IMMP2L: variants seen among roughly 807,000 people sequenced by gnomAD.
IMMP2L encodes the protein inner mitochondrial membrane peptidase subunit 2.
Under a neutral mutation model 19.3 loss-of-function variants are expected in IMMP2L, and 18 were observed. The ratio of observed to expected loss-of-function variants is 0.93; its 90% confidence interval spans 0.64 to 1.38. IMMP2L has a LOEUF of 1.38. Among genes scored for constraint, IMMP2L ranks in the 40% most tolerant of loss-of-function variants. IMMP2L has a pLI of 0.00. For missense variants in IMMP2L, 233 were observed against 218.2 expected (o/e 1.07, Z -0.43); for synonymous variants, 76 against 73.0 (o/e 1.04, Z -0.21).
At chr7:111,539,244 AAGAAAG>A (rs1391909243) in intron 1 of IMMP2L, among the ~76,000 whole-genome samples, 80 of 145,504 alleles carry the variant, frequency 5.5e-4, no homozygotes, top group Middle Eastern at 3.6e-3. Context: ...GAAAGAAAGA[AAGAAAG>A]AAAGAAAGAA....
intron 3 of IMMP2L, among the ~76,000 whole-genome samples, chr7:111,206,526 T>C (rs1586826582): frequency 6.6e-6 from 1 of 152,168 alleles, no homozygotes; most frequent in South Asian, 2.1e-4. Flanking sequence ...GGGTACATAG[T>C]AGCTGTACAC....
intron 2 of IMMP2L, among the ~76,000 whole-genome samples, chr7:111,504,310 T>A (rs559537532): frequency 6.6e-6 from 1 of 151,936 alleles, no homozygotes; most frequent in Non-Finnish European, 1.5e-5. Flanking sequence ...CACTGCTCAA[T>A]GAAATAAAAG....
intron 3 of IMMP2L, among the ~76,000 whole-genome samples, chr7:111,463,599 G>C (rs1042702558): frequency 6.6e-6 from 1 of 152,206 alleles, no homozygotes; most frequent in African/African-American, 2.4e-5. Context: ...CTATTTCCCT[G>C]TCCACTAGCC....
intron 5 of IMMP2L, among the ~76,000 whole-genome samples, chr7:110,672,656 C>T (rs1010732689): frequency 2.0e-5 from 3 of 152,142 alleles, no homozygotes; most frequent in African/African-American, 7.2e-5. Context: ...ACACCCATTC[C>T]AATGGGAGAA....
At chr7:110,694,490 T>C (rs1793731226) in intron 5 of IMMP2L, among the ~76,000 whole-genome samples, 1 of 152,168 alleles carries the variant, frequency 6.6e-6, no homozygotes. Flanking sequence ...AATATTTAGG[T>C]CCTTAATTGC....
chr7:111,107,366 AAC>A (rs1295000852), intron 3 of IMMP2L, among the ~76,000 whole-genome samples: 1 of 152,048 alleles, frequency 6.6e-6, no homozygotes, highest in Admixed American at 6.6e-5. Context: ...TTCTGTTGTA[AAC>A]AGTTTAGATT....
intron 3 of IMMP2L, among the ~76,000 whole-genome samples, chr7:111,256,803 T>C (rs1301017143): frequency 1.3e-5 from 2 of 152,004 alleles, no homozygotes; most frequent in African/African-American, 4.8e-5. Context: ...ATTCACACCC[T>C]CTGAGAAAAA....
At chr7:111,138,050 G>A (rs936587171) in intron 3 of IMMP2L, among the ~76,000 whole-genome samples, 1 of 151,936 alleles carries the variant, frequency 6.6e-6, no homozygotes, top group Non-Finnish European at 1.5e-5. Flanking sequence ...GGCTGGTCTC[G>A]AGCTCCTGAG....
intron 5 of IMMP2L, among the ~76,000 whole-genome samples, chr7:110,880,869 C>A (rs1182982758): frequency 1.3e-5 from 2 of 152,022 alleles, no homozygotes; most frequent in African/African-American, 4.8e-5. Flanking sequence ...AGTCTAATGA[C>A]AATTCTGCTG....
rs10657513 is a variant in IMMP2L, at chr7:111,080,509, A to AATATGTGTGTATAATATATAAT, written c.240-116945_240-116944insATTATATATTATACACACATAT. On this transcript the variant is annotated intron_variant, in intron 3 of 5. Coordinates refer to ENST00000405709, the MANE Select transcript of IMMP2L (RefSeq NM_032549.4). ...TATATATTATGTGTGTATAATATAT[A>AATATGTGTGTATAATATATAAT]ATGTGTGTATAATATATATTACATA... Among the ~76,000 whole-genome samples the AATATGTGTGTATAATATATAAT allele has an allele frequency of 2.6e-5, 4 of 150,948 alleles. No homozygotes were observed. The Admixed American group carries it at 2.7e-4, about 10-fold the overall frequency.
intron 5 of IMMP2L, among the ~76,000 whole-genome samples, chr7:110,819,783 CTAGT>C (rs1802862339): frequency 6.6e-6 from 1 of 152,048 alleles, no homozygotes; most frequent in African/African-American, 2.4e-5. Context: ...GTTGAAATTC[CTAGT>C]TAAATAATCA....
chr7:110,828,715 C>T (rs989917888), intron 5 of IMMP2L, among the ~76,000 whole-genome samples: 2 of 152,104 alleles, frequency 1.3e-5, no homozygotes, highest in Non-Finnish European at 2.9e-5. Flanking sequence ...GAGTAAAACA[C>T]TAACAAGACT....
intron 2 of IMMP2L, among the ~76,000 whole-genome samples, chr7:111,490,806 T>C (rs1843035009): frequency 6.6e-6 from 1 of 152,184 alleles, no homozygotes; most frequent in African/African-American, 2.4e-5. Context: ...ACTTACCATG[T>C]GTCCTGGTCT....
intron 5 of IMMP2L, among the ~76,000 whole-genome samples, chr7:110,830,850 T>G (rs996993617): frequency 2.0e-5 from 3 of 152,154 alleles, no homozygotes; most frequent in African/African-American, 7.2e-5. Context: ...CCTTACCAGT[T>G]TTCTATTGCT....
At chr7:110,907,103 G>C (rs1298235127) in intron 4 of IMMP2L, among the ~76,000 whole-genome samples, 1 of 152,128 alleles carries the variant, frequency 6.6e-6, no homozygotes, top group East Asian at 1.9e-4. Context: ...GCCCCAGAAG[G>C]AGTGTTACGT....
intron 3 of IMMP2L, among the ~76,000 whole-genome samples, chr7:111,463,321 C>T (rs934116543): frequency 6.6e-6 from 1 of 152,022 alleles, no homozygotes; most frequent in African/African-American, 2.4e-5. Context: ...GGGGGGGATC[C>T]AACTCAACCC....
intron 3 of IMMP2L, among the ~76,000 whole-genome samples, chr7:111,437,009 C>T (rs183914525): frequency 5.9e-5 from 9 of 151,864 alleles, no homozygotes; most frequent in Non-Finnish European, 8.8e-5. Context: ...ATTAGGGATC[C>T]GCCCCCATGA....
chr7:111,201,673 G>A lies in IMMP2L; in HGVS notation c.240-238108C>T, dbSNP rs146885134. ...AGGGGTTGCAGTGAGCTGAGATTGC[G>A]CCACTGCACTCCAGCCTTGGCAACA... is the stretch of plus-strand genomic sequence containing the variant. On this transcript the variant is annotated intron_variant, in intron 3 of 5. Transcript: ENST00000405709. 2.8e-3 allele frequency among the ~76,000 whole-genome samples: 421 copies of A among 150,232 alleles called. 2 individuals carry two copies. The highest frequency in any genetic ancestry group is 9.7e-3 in the African/African-American group (395 of 40,786).
At chr7:110,668,814 A>T (rs536635450) in intron 5 of IMMP2L, among the ~76,000 whole-genome samples, 62 of 144,104 alleles carry the variant, frequency 4.3e-4, no homozygotes, top group African/African-American at 1.3e-3. Flanking sequence ...AGAGAGAGAG[A>T]GTGTCTGTTC....
Sources: allele counts gnomAD v4.1 joint callset (sites outside exome capture counted in the v4.1 genomes callset), GRCh38; gene constraint gnomAD v4.1.1; transcripts MANE v1.5; gene names NCBI Gene and HGNC (gene_info 2026-07-23, HGNC 2026-07-21).